The following RPS6KA2 variants were observed in gnomAD, a reference collection of about 807,000 sequenced individuals.
RPS6KA2 encodes ribosomal protein S6 kinase A2.
RPS6KA2 carries 42 observed loss-of-function variants against 91.8 expected under a neutral mutation model. The ratio of observed to expected loss-of-function variants is 0.46; its 90% confidence interval spans 0.36 to 0.59. The LOEUF (loss-of-function observed/expected upper bound fraction) is 0.59, where lower values mean the gene tolerates loss of function less well. Ranked by LOEUF, RPS6KA2 falls within the 20% of genes least tolerant of loss-of-function variation. The pLI is 0.00. For missense variants in RPS6KA2, 798 were observed against 978.5 expected, an observed-to-expected ratio of 0.82 and a Z score of 2.46; for synonymous variants, 414 against 393.6, an observed-to-expected ratio of 1.05 and a Z score of -0.61.
Position 166,622,228 on chromosome 6 carries a change from A to T in RPS6KA2, c.99+4693T>A, listed in dbSNP as rs372922275. Among the ~76,000 whole-genome samples the T allele has an allele frequency of 2.0e-5, 3 of 152,336 alleles. No individual in the cohort carries two copies. In the South Asian group the frequency reaches 6.2e-4, roughly 32 times the overall value. On this transcript the variant is annotated intron_variant, in intron 1 of 20. Coordinates refer to ENST00000265678, the MANE Select transcript of RPS6KA2 (RefSeq NM_021135.6). The stretch of plus-strand genomic sequence containing the variant: ...TTTCACATCGTTTAAAAAAACAACA[A>T]CACTATTTCGGGGATTTTTCCTGAA...
intron 2 of RPS6KA2, among the ~76,000 whole-genome samples, chr6:166,753,214 C>T (rs1467512712): frequency 1.3e-5 from 2 of 152,184 alleles, no homozygotes; most frequent in Non-Finnish European, 2.9e-5. Context: ...ATAACCGGAG[C>T]ACCCAGTAAA....
At chr6:166,706,432 C>A (rs1789682710) in intron 2 of RPS6KA2, among the ~76,000 whole-genome samples, 1 of 152,154 alleles carries the variant, frequency 6.6e-6, no homozygotes, top group Admixed American at 6.5e-5. Flanking sequence ...CAATTCAAGC[C>A]ATCATATTTA....
At chr6:166,712,478 G>A (rs1029816031) in intron 2 of RPS6KA2, among the ~76,000 whole-genome samples, 10 of 152,250 alleles carry the variant, frequency 6.6e-5, no homozygotes, top group Non-Finnish European at 1.3e-4. Flanking sequence ...AGGCTTAGCA[G>A]GCTTTGCAGC....
intron 2 of RPS6KA2, among the ~76,000 whole-genome samples, chr6:166,739,405 C>G (rs772732040): frequency 6.6e-6 from 1 of 152,216 alleles, no homozygotes; most frequent in Non-Finnish European, 1.5e-5. Context: ...AGTGAAAGCA[C>G]AACCCTAGAC....
chr6:166,573,910 G>T (rs1309436308), intron 1 of RPS6KA2, among the ~76,000 whole-genome samples: 1 of 152,180 alleles, frequency 6.6e-6, no homozygotes, highest in African/African-American at 2.4e-5. Flanking sequence ...TGTGTCAGAT[G>T]CAGCAAATCC....
At chr6:166,513,803 G>C (rs1376361074) in intron 3 of RPS6KA2, among the ~76,000 whole-genome samples, 1 of 152,222 alleles carries the variant, frequency 6.6e-6, no homozygotes, top group Non-Finnish European at 1.5e-5. Context: ...GGATAGCGCA[G>C]AACACTTTCA....
At position 166,423,367 on chromosome 6, in the gene RPS6KA2, C is replaced by G. The variant is rs780600622; in HGVS notation, c.1632G>C (p.Ser544=). ...KPSNILYRDE[S]GSPESIRVCD... ...AGACTCGGATGGATTCTGGGCTCCC[C>G]GACTCATCCCTGTACAGGATGTTAC... is the stretch of plus-strand genomic sequence containing the variant. Residue 544 remains serine, a synonymous_variant, in exon 17 of 21, where the codon TCG becomes TCC. Coordinates refer to ENST00000265678, the MANE Select transcript of RPS6KA2 (RefSeq NM_021135.6). The surrounding 1 kb of genome is among the most constrained non-coding windows in gnomAD (Gnocchi z 4.8). The G allele has an allele frequency of 6.2e-7, 1 of 1,614,192 alleles. No individual in the cohort carries two copies. Among genetic ancestry groups the G allele is most frequent in the Non-Finnish European group, 8.5e-7 (1 of 1,180,028 alleles).
chr6:166,729,281 T>A (rs1172438992), intron 2 of RPS6KA2, among the ~76,000 whole-genome samples: 1 of 152,204 alleles, frequency 6.6e-6, no homozygotes, highest in African/African-American at 2.4e-5. Flanking sequence ...GCACACTGCC[T>A]CAGGCAAACA....
intron 2 of RPS6KA2, among the ~76,000 whole-genome samples, chr6:166,764,792 C>T (rs757604467): frequency 3.9e-5 from 6 of 152,228 alleles, no homozygotes; most frequent in Non-Finnish European, 5.9e-5. Flanking sequence ...CCTACAGCCA[C>T]GCAAGCACCT....
rs79149750 is a variant in RPS6KA2, at chr6:166,633,513, G to A, written c.124-94729C>T. Among the ~76,000 whole-genome samples, 542 of 152,290 alleles carry A rather than the reference G, an allele frequency of 3.6e-3. 16 individuals are homozygous for A. The East Asian group carries it at 0.074, about 21-fold the overall frequency. On this transcript the variant is annotated intron_variant, in intron 2 of 21. Transcript: ENST00000503859. ...ACTTCTGTGGAAAATAAATCTTCTC[G>A]TTGAGCTGAGTTTTCTGTCATTAGC...
At chr6:166,695,729 C>G (rs1265300748) in intron 2 of RPS6KA2, among the ~76,000 whole-genome samples, 1 of 150,206 alleles carries the variant, frequency 6.7e-6, no homozygotes, top group Non-Finnish European at 1.5e-5. Flanking sequence ...ACTGGATTCT[C>G]ACAGGAGCAC....
chr6:166,571,970 C>A (rs186634961), intron 1 of RPS6KA2, among the ~76,000 whole-genome samples: 33 of 152,244 alleles, frequency 2.2e-4, no homozygotes, highest in African/African-American at 7.9e-4. Context: ...AAAACCCTTA[C>A]ATCTTCTATA....
chr6:166,550,114 G>A (rs190607727), intron 1 of RPS6KA2, among the ~76,000 whole-genome samples: 8 of 152,128 alleles, frequency 5.3e-5, no homozygotes, highest in Admixed American at 2.0e-4. Context: ...TGGAAAATAC[G>A]TCAAGATATT....
At chr6:166,605,134 G>A (rs1785900386) in intron 1 of RPS6KA2, among the ~76,000 whole-genome samples, 1 of 152,170 alleles carries the variant, frequency 6.6e-6, no homozygotes, top group Non-Finnish European at 1.5e-5. Context: ...GGGAGATGAT[G>A]CAACCTGCAA....
intron 2 of RPS6KA2, among the ~76,000 whole-genome samples, chr6:166,676,753 C>G (rs755065023): frequency 6.6e-6 from 1 of 152,232 alleles, no homozygotes. Context: ...CTGCTCCCAA[C>G]GTCTACATAT....
intron 2 of RPS6KA2, chr6:166,701,307 C>T (rs757119430): frequency 6.1e-5 from 97 of 1,579,016 alleles, no homozygotes; most frequent in African/African-American, 4.9e-4. Flanking sequence ...GTTCATTCAC[C>T]GTTTTGCCTC....
chr6:166,822,434 G>A (rs1371903914), intron 2 of RPS6KA2, among the ~76,000 whole-genome samples: 2 of 152,192 alleles, frequency 1.3e-5, no homozygotes, highest in East Asian at 1.9e-4. Flanking sequence ...AGGGTGCCCC[G>A]GCAAGCCAAA....
chr6:166,448,777 A>C lies in RPS6KA2; in HGVS notation c.1279T>G (p.Ser427Ala). Reference sequence around the variant, plus strand: ...TTATGCACACATCGCTTGCACACTGAGTAGGAGCCCACCCCGATGTCCTCC... The same window carrying C: ...TTATGCACACATCGCTTGCACACTGCGTAGGAGCCCACCCCGATGTCCTCC... ...IKEDIGVGSY[S>A]VCKRCVHKAT... is the part of the protein sequence containing the mutation. The change falls in exon 14 of 21, where the codon TCA becomes GCA. Residue 427 changes from serine to alanine, a missense_variant. Ser to Ala is a moderately conservative substitution (Grantham distance 99, BLOSUM62 1). Transcript: ENST00000265678. The surrounding 1 kb of genome is among the most constrained non-coding windows in gnomAD (Gnocchi z 4.7). 1 of 1,613,190 alleles carries C rather than the reference A, an allele frequency of 6.2e-7. No individual in the cohort carries two copies. Among genetic ancestry groups the C allele is most frequent in the Non-Finnish European group, 8.5e-7 (1 of 1,179,828 alleles).
intron 15 of RPS6KA2, among the ~76,000 whole-genome samples, chr6:166,431,010 C>A (rs1312922948): frequency 6.6e-6 from 1 of 152,150 alleles, no homozygotes; most frequent in African/African-American, 2.4e-5. Context: ...CTGCAACCTC[C>A]AGCTCCTCCT....
Sources: allele counts gnomAD v4.1 joint callset (sites outside exome capture counted in the v4.1 genomes callset), GRCh38; gene constraint gnomAD v4.1.1; non-coding constraint Gnocchi (gnomAD v3.1); transcripts MANE v1.5; gene names NCBI Gene and HGNC (gene_info 2026-07-23, HGNC 2026-07-21).